The following DHRSX variants were observed in gnomAD, a reference collection of about 807,000 sequenced individuals.
DHRSX encodes polyprenol dehydrogenase.
DHRSX carries 31 observed loss-of-function variants against 34.0 expected under a neutral mutation model. That is an observed-to-expected ratio of 0.91 (90% confidence interval 0.69 to 1.23). The LOEUF is 1.23. Among genes scored for constraint, DHRSX ranks in the 50% most tolerant of loss-of-function variants. The pLI, the probability that DHRSX is intolerant of heterozygous loss-of-function variation, is 0.00. For missense variants in DHRSX, 414 were observed against 428.1 expected (o/e 0.97, Z 0.29); for synonymous variants, 201 against 183.8 (o/e 1.09, Z -0.76).
chrX:2,226,531 T>C (rs1286015529), intron 6 of DHRSX, among the ~76,000 whole-genome samples: 3 of 152,046 alleles, frequency 2.0e-5, no homozygotes, highest in African/African-American at 7.2e-5. Context: ...ACAGGCGCGG[T>C]AGCTCACGCC....
At chrX:2,392,902 TTA>T (rs55742837) in intron 3 of DHRSX, among the ~76,000 whole-genome samples, 39,016 of 140,942 alleles carry the variant, frequency 0.28, 5,668 homozygotes, top group Non-Finnish European at 0.31. Context: ...GCATATTATA[TTA>T]TGTTTTATAT....
intron 2 of DHRSX, among the ~76,000 whole-genome samples, chrX:2,417,598 C>G (rs2043713266): frequency 1.3e-5 from 2 of 152,018 alleles, no homozygotes; most frequent in South Asian, 4.1e-4. Context: ...TAGACGTCAT[C>G]ATGACCTACC....
chrX:2,482,867 C>T (rs1208169593), intron 1 of DHRSX, among the ~76,000 whole-genome samples: 2 of 152,058 alleles, frequency 1.3e-5, no homozygotes, highest in South Asian at 2.1e-4. Context: ...AAAAGGCAAT[C>T]ATTCCTTCTG....
intron 1 of DHRSX, among the ~76,000 whole-genome samples, chrX:2,450,806 A>G (rs1225385525): frequency 3.9e-5 from 6 of 152,028 alleles, no homozygotes; most frequent in Non-Finnish European, 7.4e-5. Flanking sequence ...GAAAGTTTGT[A>G]TTCCTCCCCC....
rs1216936770 is a variant in DHRSX at position 2,489,752 on chromosome X, TG to T, written c.109+11064del. 1.9e-6 allele frequency: 3 copies of T among 1,613,310 alleles called. No individual in the cohort carries two copies. In the East Asian group the frequency reaches 6.7e-5, roughly 36 times the overall value. On this transcript the variant is annotated intron_variant, in intron 1 of 6. Transcript: ENST00000334651. ...CATGTACATGGCCACGGCAGACTGC[TG>T]GAAGTACTCCACCAGTTTGCGGCAG...
At chrX:2,233,726 A>G (rs1265890837) in intron 6 of DHRSX, among the ~76,000 whole-genome samples, 1 of 152,088 alleles carries the variant, frequency 6.6e-6, no homozygotes, top group Non-Finnish European at 1.5e-5. Context: ...GGAGCTTCCA[A>G]TAGACATGGG....
chrX:2,235,616 G>A lies in DHRSX; in HGVS notation c.804+7407C>T, dbSNP rs753948832. ...AAATTAGCTGGGTGTGGTGAGACAT[G>A]CCTATAATCCCAGCTACTCGGGAGG... On this transcript the variant is annotated intron_variant, in intron 6 of 6. Transcript: ENST00000334651. Among the ~76,000 whole-genome samples the A allele has an allele frequency of 1.8e-4, 27 of 148,672 alleles. No homozygotes were observed. In the South Asian group the frequency reaches 5.6e-3, roughly 31 times the overall value.
chrX:2,249,941 A>G (rs1248759907), intron 5 of DHRSX, among the ~76,000 whole-genome samples: 1 of 151,916 alleles, frequency 6.6e-6, no homozygotes, highest in African/African-American at 2.4e-5. Context: ...AGGCTGGCAG[A>G]TCACGAGGTC....
chrX:2,342,223 A>G (rs2124563387), intron 3 of DHRSX, among the ~76,000 whole-genome samples: 1 of 152,276 alleles, frequency 6.6e-6, no homozygotes, highest in South Asian at 2.1e-4. Flanking sequence ...CCACATATCC[A>G]GAAAATAAAT....
intron 1 of DHRSX, among the ~76,000 whole-genome samples, chrX:2,464,677 C>A (rs1354041181): frequency 6.6e-6 from 1 of 151,794 alleles, no homozygotes; most frequent in Non-Finnish European, 1.5e-5. Context: ...TGAAGACGTT[C>A]CCTAAGAATG....
At chrX:2,445,693 G>C (rs2044122525) in intron 1 of DHRSX, among the ~76,000 whole-genome samples, 1 of 152,108 alleles carries the variant, frequency 6.6e-6, no homozygotes, top group South Asian at 2.1e-4. Flanking sequence ...ATGTGGCCAA[G>C]GGACCACCCT....
intron 6 of DHRSX, among the ~76,000 whole-genome samples, chrX:2,230,869 A>G (rs1024695002): frequency 4.6e-5 from 7 of 152,134 alleles, no homozygotes; most frequent in Non-Finnish European, 1.0e-4. Context: ...AATTAAACTA[A>G]ATCTTTCTCT....
chrX:2,298,608 A>ACACACACACACACACACGCG lies in DHRSX; in HGVS notation c.287-7006_287-7005insCGCGTGTGTGTGTGTGTGTG, dbSNP rs1365862303. 3.2e-4 allele frequency among the ~76,000 whole-genome samples: 19 copies of ACACACACACACACACACGCG among 60,038 alleles called. 4 individuals are homozygous for ACACACACACACACACACGCG. The highest frequency in any genetic ancestry group is 8.1e-4 in the African/African-American group (19 of 23,424). The allele number at this position is 60,038 out of a possible 152,430, so 39.4% of individuals were successfully genotyped here. A position where few individuals can be genotyped will look rare whatever the true frequency, so the allele number is the denominator to read the frequency against. ...CTCCTGCAGGCGCGTGTGTACACAC[A>ACACACACACACACACACGCG]CACACACACACACACACACACACAC... On this transcript the variant is annotated intron_variant, in intron 3 of 6. Transcript: ENST00000334651.
At chrX:2,382,741 C>CCATCATCATCACTATCATCAT in intron 3 of DHRSX, among the ~76,000 whole-genome samples, 1 of 12,918 alleles carries the variant, frequency 7.7e-5, no homozygotes, top group Non-Finnish European at 2.1e-4. Context: ...ATCATCATCG[C>CCATCATCATCACTATCATCAT]CATCATCATC....
chrX:2,344,475 G>A (rs1051810778), intron 3 of DHRSX, among the ~76,000 whole-genome samples: 67 of 151,866 alleles, frequency 4.4e-4, no homozygotes, highest in Non-Finnish European at 4.0e-4. Context: ...AATACTATAC[G>A]ACCACAGACT....
At chrX:2,450,460 C>T (rs2044201228) in intron 1 of DHRSX, among the ~76,000 whole-genome samples, 1 of 151,668 alleles carries the variant, frequency 6.6e-6, no homozygotes, top group African/African-American at 2.4e-5. Context: ...AAAACTCTGT[C>T]TCAAAAAAAA....
intron 1 of DHRSX, among the ~76,000 whole-genome samples, chrX:2,475,935 G>A (rs777152185): frequency 1.3e-5 from 2 of 152,238 alleles, no homozygotes; most frequent in South Asian, 2.1e-4. Context: ...CGATCTAATC[G>A]CCTTCTAAAT....
At chrX:2,328,352 C>T (rs1378988522) in intron 3 of DHRSX, among the ~76,000 whole-genome samples, 1 of 151,038 alleles carries the variant, frequency 6.6e-6, no homozygotes, top group African/African-American at 2.4e-5. Flanking sequence ...CAGACACACA[C>T]ATTGGGACAA....
intron 1 of DHRSX, among the ~76,000 whole-genome samples, chrX:2,452,455 G>GA (rs990123450): frequency 4.6e-5 from 7 of 151,558 alleles, no homozygotes; most frequent in Non-Finnish European, 1.0e-4. Context: ...GTGGATAAGG[G>GA]ACCTCCGCCA....
Sources: allele counts gnomAD v4.1 joint callset (sites outside exome capture counted in the v4.1 genomes callset), GRCh38; gene constraint gnomAD v4.1.1; transcripts MANE v1.5; gene names NCBI Gene and HGNC (gene_info 2026-07-23, HGNC 2026-07-21).